Variants in KLHL1 observed in about 807,000 individuals in gnomAD.
KLHL1 encodes the protein kelch like family member 1, also known as kelch-like protein 1.
A neutral mutation model predicts 77.7 loss-of-function variants in KLHL1; 47 were observed. That is an observed-to-expected ratio of 0.60 (90% confidence interval 0.48 to 0.77). KLHL1 has a LOEUF of 0.77. Among genes scored for constraint, KLHL1 ranks in the 30% least tolerant of loss-of-function variants. KLHL1 has a pLI of 0.00. For synonymous variants in KLHL1, 360 were observed against 325.2 expected, an observed-to-expected ratio of 1.11 and a Z score of -1.15; for missense variants, 925 against 910.8, an observed-to-expected ratio of 1.02 and a Z score of -0.20.
At chr13:69,803,678 C>T (rs1877490230) in intron 6 of KLHL1, among the ~76,000 whole-genome samples, 1 of 152,144 alleles carries the variant, frequency 6.6e-6, no homozygotes, top group Non-Finnish European at 1.5e-5. Context: ...GGAGAGCTTT[C>T]TCCAGTTAGT....
chr13:69,975,589 G>A (rs772344118), intron 2 of KLHL1, 31 bp downstream of exon 2: 11 of 1,569,010 alleles, frequency 7.0e-6, no homozygotes, highest in Admixed American at 1.8e-5. Context: ...ACATGTGAAT[G>A]CATGTTTCCA....
intron 8 of KLHL1, among the ~76,000 whole-genome samples, chr13:69,725,327 G>C (rs1668158566): frequency 6.6e-6 from 1 of 152,138 alleles, no homozygotes; most frequent in Non-Finnish European, 1.5e-5. Flanking sequence ...CCAAAGTGGA[G>C]TCCCAGTTAC....
At chr13:69,930,048 T>C (rs927142271) in intron 4 of KLHL1, among the ~76,000 whole-genome samples, 1 of 151,840 alleles carries the variant, frequency 6.6e-6, no homozygotes, top group Admixed American at 6.6e-5. Context: ...TTATTTTAGG[T>C]TGGAAATAGT....
At chr13:69,729,546 A>G (rs1873449877) in intron 8 of KLHL1, among the ~76,000 whole-genome samples, 2 of 152,162 alleles carry the variant, frequency 1.3e-5, no homozygotes, top group South Asian at 4.1e-4. Context: ...AGGTGAGGAA[A>G]AAAACAAACA....
intron 1 of KLHL1, among the ~76,000 whole-genome samples, chr13:69,993,482 CT>C (rs573027578): frequency 7.7e-4 from 117 of 152,154 alleles, no homozygotes; most frequent in African/African-American, 2.6e-3. Flanking sequence ...TCTAAACACA[CT>C]TTTGAACAAC....
intron 1 of KLHL1, among the ~76,000 whole-genome samples, chr13:70,068,124 G>C (rs1479091574): frequency 6.6e-6 from 1 of 151,376 alleles, no homozygotes; most frequent in Non-Finnish European, 1.5e-5. Context: ...GGCGGATCAC[G>C]AGGTCAGGAG....
At chr13:69,899,032 T>G (rs1888897) in intron 4 of KLHL1, among the ~76,000 whole-genome samples, 8,774 of 149,752 alleles carry the variant, frequency 0.059, 315 homozygotes, top group African/African-American at 0.094. Flanking sequence ...TTTTTTTTTT[T>G]TGTGATTCCT....
chr13:69,849,456 G>A (rs3012103), intron 5 of KLHL1, among the ~76,000 whole-genome samples: 148,889 of 151,514 alleles, frequency 0.98, 73,204 homozygotes, highest in East Asian at 1. Context: ...AGATCATGCT[G>A]TATTCTTAAG....
intron 1 of KLHL1, among the ~76,000 whole-genome samples, chr13:70,060,297 C>A (rs1221907940): frequency 6.6e-6 from 1 of 152,038 alleles, no homozygotes. Flanking sequence ...GAAAGAGGAA[C>A]CATTGTACAC....
At chr13:69,729,547 AAAAC>A (rs1873450076) in intron 8 of KLHL1, among the ~76,000 whole-genome samples, 1 of 152,148 alleles carries the variant, frequency 6.6e-6, no homozygotes, top group Non-Finnish European at 1.5e-5. Context: ...GGTGAGGAAA[AAAAC>A]AAACAAAAAA....
At chr13:69,774,194 T>G (rs925679282) in intron 7 of KLHL1, among the ~76,000 whole-genome samples, 1 of 151,872 alleles carries the variant, frequency 6.6e-6, no homozygotes, top group South Asian at 2.1e-4. Flanking sequence ...AAATTAATCA[T>G]AATGAACTAT....
chr13:69,795,558 A>G (rs1234135060), intron 7 of KLHL1, among the ~76,000 whole-genome samples: 1 of 152,198 alleles, frequency 6.6e-6, no homozygotes, highest in Non-Finnish European at 1.5e-5. Flanking sequence ...AAGAACTGTT[A>G]GTCTTTATTA....
intron 1 of KLHL1, among the ~76,000 whole-genome samples, chr13:69,998,759 C>T (rs2439677): frequency 3.9e-5 from 6 of 152,036 alleles, no homozygotes; most frequent in Admixed American, 1.3e-4. Context: ...GTCTGGTCAT[C>T]GTCTCAGAAG....
At chr13:69,784,365 C>T (rs1876398707) in intron 7 of KLHL1, among the ~76,000 whole-genome samples, 1 of 152,164 alleles carries the variant, frequency 6.6e-6, no homozygotes, top group Non-Finnish European at 1.5e-5. Context: ...GGACTAAATG[C>T]TCCAATTAAA....
chr13:69,939,992 T>A (rs963187263), intron 4 of KLHL1, 48 bp downstream of exon 4: 7 of 1,409,816 alleles, frequency 5.0e-6, no homozygotes, highest in Non-Finnish European at 6.7e-6. Context: ...TTTTTACCTC[T>A]GATAACACAG....
At chr13:70,030,111 A>G (rs7996658) in intron 1 of KLHL1, among the ~76,000 whole-genome samples, 91,670 of 151,348 alleles carry the variant, frequency 0.61, 29,438 homozygotes, top group East Asian at 0.8. Flanking sequence ...TTAGAGACCT[A>G]CGAAGAGACT....
intron 4 of KLHL1, among the ~76,000 whole-genome samples, chr13:69,933,863 T>C (rs1270148686): frequency 6.6e-6 from 1 of 152,090 alleles, no homozygotes; most frequent in Non-Finnish European, 1.5e-5. Context: ...TTCAGGTTCA[T>C]AATATCCATT....
intron 1 of KLHL1, among the ~76,000 whole-genome samples, chr13:70,058,868 G>A (rs930614240): frequency 2.4e-4 from 36 of 152,108 alleles, no homozygotes; most frequent in African/African-American, 7.7e-4. Flanking sequence ...CAGACACATA[G>A]ACCAATGGGA....
intron 1 of KLHL1, among the ~76,000 whole-genome samples, chr13:69,978,715 G>C (rs1217846892): frequency 6.6e-6 from 1 of 152,020 alleles, no homozygotes; most frequent in Non-Finnish European, 1.5e-5. Flanking sequence ...TTGAACTCCC[G>C]AACTCAGGTG....
Sources: allele counts gnomAD v4.1 joint callset (sites outside exome capture counted in the v4.1 genomes callset), GRCh38; gene constraint gnomAD v4.1.1; transcripts MANE v1.5; gene names NCBI Gene and HGNC (gene_info 2026-07-23, HGNC 2026-07-21).